The following CPAMD8 variants were observed in gnomAD, a reference collection of about 807,000 sequenced individuals.
The protein encoded by CPAMD8 is C3 and PZP-like alpha-2-macroglobulin domain-containing protein 8.
CPAMD8 carries 146 observed loss-of-function variants against 224.7 expected under a neutral mutation model. The ratio of observed to expected loss-of-function variants is 0.65; its 90% CI spans 0.57 to 0.75. The LOEUF is 0.75. Among genes scored for constraint, CPAMD8 ranks in the 30% least tolerant of loss-of-function variants. CPAMD8 has a pLI of 0.00. For synonymous variants in CPAMD8, 966 were observed against 1,044.6 expected, an observed-to-expected ratio of 0.92 and a Z score of 1.45; for missense variants, 2,301 against 2,537.5, an observed-to-expected ratio of 0.91 and a Z score of 2.00.
At chr19:16,905,569 GAAAAAAAAA>G (rs397955787) in intron 30 of CPAMD8, among the ~76,000 whole-genome samples, 1 of 92,702 alleles carries the variant, frequency 1.1e-5, no homozygotes. Flanking sequence ...AGGAAGAAAA[GAAAAAAAAA>G]AAAAAAAAGA....
In CPAMD8 at chr19:16,902,622, C is replaced by T. The variant is rs1379964293; in HGVS notation, c.4685+27G>A. 2.7e-6 allele frequency: 4 copies of T among 1,496,716 alleles called. No individual in the cohort carries two copies. In the South Asian group the frequency reaches 3.5e-5, roughly 13 times the overall value. The allele number at this position is 1,496,716 out of a possible 1,614,324, so 92.7% of individuals were successfully genotyped here. On this transcript the variant is annotated intron_variant, in intron 35 of 41. Coordinates refer to ENST00000443236, the MANE Select transcript of CPAMD8 (RefSeq NM_015692.5). ...CGCACATTGCACCCTCCTGGGATGC[C>T]CACGCCAGCAGGGCAGGTGGCCTTA... is the stretch of plus-strand genomic sequence containing the variant.
intron 20 of CPAMD8, among the ~76,000 whole-genome samples, chr19:16,947,937 TG>T (rs1238627889): frequency 6.6e-6 from 1 of 152,228 alleles, no homozygotes; most frequent in Non-Finnish European, 1.5e-5. Flanking sequence ...TGTCTGTGCA[TG>T]GATGTGCAAG....
At chr19:17,013,721 T>TG (rs1216760406) in intron 3 of CPAMD8, among the ~76,000 whole-genome samples, 2 of 150,898 alleles carry the variant, frequency 1.3e-5, no homozygotes, top group Non-Finnish European at 2.9e-5. Flanking sequence ...TGGAACTAGA[T>TG]GGGGGGGCAT....
intron 27 of CPAMD8, among the ~76,000 whole-genome samples, chr19:16,920,755 C>T (rs1246532797): frequency 2.7e-5 from 4 of 150,348 alleles, no homozygotes; most frequent in African/African-American, 9.9e-5. Flanking sequence ...ACTCAGGAGG[C>T]TGAGGCAGGA....
At chr19:17,008,692 T>A in intron 6 of CPAMD8, 133 bp from the exon 7 acceptor site, 1 of 1,010,292 alleles carries the variant, frequency 9.9e-7, no homozygotes, top group Non-Finnish European at 1.6e-6. Flanking sequence ...GATTAATCAT[T>A]AACCCCGGGG....
At chr19:16,999,023 T>C (rs939813547) in intron 10 of CPAMD8, among the ~76,000 whole-genome samples, 2 of 152,208 alleles carry the variant, frequency 1.3e-5, no homozygotes, top group African/African-American at 2.4e-5. Context: ...GCATTGATCA[T>C]GCTACGATGT....
chr19:16,922,776 C>A (rs2053225978), intron 26 of CPAMD8, among the ~76,000 whole-genome samples: 1 of 151,852 alleles, frequency 6.6e-6, no homozygotes, highest in Admixed American at 6.6e-5. Context: ...TTGAAACTAC[C>A]CTATACCACA....
chr19:16,903,509 T>C, intron 34 of CPAMD8, 52 bp downstream of exon 34: 2 of 1,611,310 alleles, frequency 1.2e-6, no homozygotes, highest in Non-Finnish European at 1.7e-6. Flanking sequence ...TTGGAGGGAA[T>C]GGGGCACAGG....
chr19:16,937,684 G>T (rs181210513), intron 23 of CPAMD8, among the ~76,000 whole-genome samples: 6 of 129,208 alleles, frequency 4.6e-5, no homozygotes, highest in East Asian at 2.2e-4. Flanking sequence ...TTGGAGTCTC[G>T]CTCTGTCACC....
At chr19:16,971,120 C>T in intron 17 of CPAMD8, 87 bp from the exon 18 acceptor site, 1 of 1,225,808 alleles carries the variant, frequency 8.2e-7, no homozygotes, top group South Asian at 1.5e-5. Flanking sequence ...CACCCTGTGG[C>T]CACTGTCCCA....
At chr19:17,021,635 G>C (rs535509959) in intron 2 of CPAMD8, among the ~76,000 whole-genome samples, 2 of 152,230 alleles carry the variant, frequency 1.3e-5, no homozygotes, top group Non-Finnish European at 2.9e-5. Context: ...CTTAGTAACA[G>C]GCCTGTGAGC....
intron 27 of CPAMD8, 91 bp from the exon 28 acceptor site, chr19:16,914,904 C>A (rs1206059332): frequency 2.3e-6 from 2 of 884,608 alleles, no homozygotes. Flanking sequence ...CTGGCACCAC[C>A]CCCGGCCTCC....
At chr19:16,919,924 A>G (rs1026797101) in intron 27 of CPAMD8, among the ~76,000 whole-genome samples, 2 of 152,156 alleles carry the variant, frequency 1.3e-5, no homozygotes, top group Non-Finnish European at 2.9e-5. Flanking sequence ...TGCTTATCCC[A>G]TGGATCCAGG....
chr19:17,026,803 G>A lies in CPAMD8; in HGVS notation c.-161C>T, dbSNP rs1298000284. The A allele has an allele frequency of 2.8e-5, 30 of 1,080,188 alleles. No individual in the cohort carries two copies. The highest frequency in any genetic ancestry group is 3.4e-5 in the Non-Finnish European group (30 of 892,706). 66.9% of individuals were successfully genotyped at this position (1,080,188 alleles called of 1,614,324 possible). ...CGCCATGCGCCCCGCTCCGCGCCCG[G>A]CCAAGCTGGGGCAGCCCCGGGCCAG... On this transcript the variant is annotated 5_prime_UTR_variant, in exon 1 of 42. Coordinates refer to ENST00000443236, the MANE Select transcript of CPAMD8 (RefSeq NM_015692.5).
In CPAMD8 at chr19:16,898,067, G is replaced by A. The variant is rs909963865; in HGVS notation, c.4849-73C>T. 3.7e-6 allele frequency: 4 copies of A among 1,089,244 alleles called. No homozygotes were observed. The highest frequency in any genetic ancestry group is 3.2e-5 in the African/African-American group (2 of 61,948). The allele number at this position is 1,089,244 out of a possible 1,614,324, so 67.5% of individuals were successfully genotyped here. ...GGGCGCTGAGCTCAGGCCCAGAACT[G>A]GCTGATTTCAGGGATACCCAGGACG... is the stretch of plus-strand genomic sequence containing the variant. On this transcript the variant is annotated intron_variant, in intron 37 of 41. Coordinates refer to ENST00000443236, the MANE Select transcript of CPAMD8 (RefSeq NM_015692.5). This position sits in a 1 kb window ranked among gnomAD's most constrained non-coding sequence, Gnocchi z 4.2.
At position 17,026,605 on chromosome 19, in the gene CPAMD8, A is replaced by T; in HGVS notation, c.38T>A (p.Leu13Gln). 6.6e-6 allele frequency: 10 copies of T among 1,518,616 alleles called. No individual in the cohort carries two copies. Among genetic ancestry groups the T allele is most frequent in the Non-Finnish European group, 7.9e-6 (9 of 1,141,536 alleles). The allele number at this position is 1,518,616 out of a possible 1,614,324, so 94.1% of individuals were successfully genotyped here. A position where few individuals can be genotyped will look rare whatever the true frequency, so the allele number is the denominator to read the frequency against. Residue 13 changes from leucine (L) to glutamine (Q), a missense_variant, in exon 1 of 42, where the codon CTG (leucine) becomes CAG (glutamine). This residue lies in a region of CPAMD8 where 283 missense variants were observed against 340.6 expected (regional missense o/e 0.83). Coordinates refer to ENST00000443236, the MANE Select transcript of CPAMD8 (RefSeq NM_015692.5). Reference protein sequence around the residue: ...GALLWPLLPLLLLLLSARDGV... With the variant: ...GALLWPLLPLQLLLLSARDGV... Reference sequence around the variant, plus strand: ...GTCCCGCGCCGACAGCAGCAGGAGCAGGAGCGGGAGCAACGGCCAGAGCAG... The same window carrying T: ...GTCCCGCGCCGACAGCAGCAGGAGCTGGAGCGGGAGCAACGGCCAGAGCAG...
At position 16,899,420 on chromosome 19, in the gene CPAMD8, C is replaced by T; in HGVS notation, c.4848+55G>A. The T allele has an allele frequency of 1.2e-6, 1 of 828,952 alleles. No individual in the cohort carries two copies. Among genetic ancestry groups the T allele is most frequent in the African/African-American group, 1.7e-5 (1 of 60,118 alleles). 51.3% of individuals were successfully genotyped at this position (828,952 alleles called of 1,614,324 possible). ...CCACACCAGGCAGTGACCGGTGCAC[C>T]CTCACCAACATGCACACCAGGGAAG... is the stretch of plus-strand genomic sequence containing the variant. On this transcript the variant is annotated intron_variant, in intron 37 of 41. Transcript: ENST00000443236. This position sits in a 1 kb window ranked among gnomAD's most constrained non-coding sequence, Gnocchi z 5.4.
At chr19:16,902,501 G>A (rs2052300500) in intron 35 of CPAMD8, 148 bp downstream of exon 35, 1 of 597,512 alleles carries the variant, frequency 1.7e-6, no homozygotes, top group African/African-American at 1.9e-5. Context: ...TGGGCGACAG[G>A]GTGAGACTCT....
At position 16,952,161 on chromosome 19, in the gene CPAMD8, C is replaced by T. The variant is rs986341964; in HGVS notation, c.2316G>A (p.Pro772=). ...SGEGTLSVKV[P]DSITSWVGEA... is the part of the protein sequence containing the mutation. ...CACCCACCCAGCTGGTGATGGAGTC[C>T]GGGACCTTCACACTGAGTGTCCCCT... Residue 772 remains proline, a synonymous_variant, in exon 20 of 42, where the codon CCG becomes CCA. Transcript: ENST00000443236. The T allele has an allele frequency of 1.4e-5, 22 of 1,549,994 alleles. No homozygotes were observed. In the African/African-American group the frequency reaches 1.9e-4, roughly 14 times the overall value.
Sources: gnomAD v4.1 joint callset for allele counts (sites outside exome capture counted in the v4.1 genomes callset) on GRCh38, gnomAD v4.1.1 for gene constraint, gnomAD v4.1.1 regional missense constraint, Gnocchi (gnomAD v3.1) non-coding constraint, MANE v1.5 for transcripts, NCBI Gene and HGNC (gene_info 2026-07-23, HGNC 2026-07-21) for gene names.